COLEC12: variants seen among roughly 807,000 people sequenced by gnomAD.
The protein encoded by COLEC12 is collectin-12.
COLEC12 carries 33 observed loss-of-function variants against 71.1 expected under a neutral mutation model. The ratio of observed to expected loss-of-function variants is 0.46; its 90% CI spans 0.35 to 0.62. COLEC12 has a LOEUF of 0.62. Among genes scored for constraint, COLEC12 ranks in the 20% least tolerant of loss-of-function variants. The pLI, the probability that COLEC12 is intolerant of heterozygous loss-of-function variation, is 0.00. For synonymous variants in COLEC12, 350 were observed against 353.0 expected (o/e 0.99, Z 0.10); for missense variants, 765 against 916.1 (o/e 0.84, Z 2.13).
chr18:326,778 C>G (rs967424002), intron 8 of COLEC12, among the ~76,000 whole-genome samples: 1 of 152,162 alleles, frequency 6.6e-6, no homozygotes, highest in Non-Finnish European at 1.5e-5. Context: ...AAACATCCCA[C>G]AAATATCAAT....
intron 2 of COLEC12, among the ~76,000 whole-genome samples, chr18:374,101 C>A (rs1448772972): frequency 1.3e-5 from 2 of 152,052 alleles, no homozygotes; most frequent in Non-Finnish European, 2.9e-5. Context: ...AGGCAGCGAG[C>A]GGCATATGAG....
At chr18:463,225 T>C (rs1040303209) in intron 2 of COLEC12, among the ~76,000 whole-genome samples, 2 of 152,240 alleles carry the variant, frequency 1.3e-5, no homozygotes, top group African/African-American at 4.8e-5. Context: ...TCATTGATTT[T>C]CATTTCATTT....
At chr18:426,176 T>C (rs1916195155) in intron 2 of COLEC12, among the ~76,000 whole-genome samples, 1 of 152,222 alleles carries the variant, frequency 6.6e-6, no homozygotes, top group African/African-American at 2.4e-5. Context: ...ATGGCACTTT[T>C]CACATATTTT....
intron 1 of COLEC12, among the ~76,000 whole-genome samples, chr18:485,037 G>C (rs1917493552): frequency 6.6e-6 from 1 of 152,208 alleles, no homozygotes; most frequent in Non-Finnish European, 1.5e-5. Flanking sequence ...ACATGCTAGA[G>C]GGCAGAAGGC....
At chr18:391,014 C>T (rs762435596) in intron 2 of COLEC12, among the ~76,000 whole-genome samples, 22 of 152,118 alleles carry the variant, frequency 1.4e-4, no homozygotes, top group Non-Finnish European at 2.2e-4. Flanking sequence ...GGAACTGGTC[C>T]GCTCTTTTTT....
Position 337,617 on chromosome 18 carries a change from G to A in COLEC12, c.1328-2387C>T, listed in dbSNP as rs2143447318. 2.6e-5 allele frequency among the ~76,000 whole-genome samples: 4 copies of A among 152,296 alleles called. No homozygotes were observed. The South Asian group carries it at 8.3e-4, about 32-fold the overall frequency. On this transcript the variant is annotated intron_variant, in intron 5 of 9. Transcript: ENST00000400256. ...AATGGGAGACTTTAGAAGACTTAGG[G>A]ATGAACTCACTTCTACCTAGACCCA...
At chr18:406,122 T>TG (rs1915780125) in intron 2 of COLEC12, among the ~76,000 whole-genome samples, 1 of 152,098 alleles carries the variant, frequency 6.6e-6, no homozygotes, top group African/African-American at 2.4e-5. Flanking sequence ...ACAGATGCCA[T>TG]GGCAACATCA....
At chr18:428,551 T>C (rs1333336203) in intron 2 of COLEC12, among the ~76,000 whole-genome samples, 1 of 152,234 alleles carries the variant, frequency 6.6e-6, no homozygotes, top group African/African-American at 2.4e-5. Context: ...AAAAAAGTCA[T>C]TAATTAGAAA....
At chr18:432,303 T>A (rs941496477) in intron 2 of COLEC12, among the ~76,000 whole-genome samples, 2 of 152,162 alleles carry the variant, frequency 1.3e-5, no homozygotes, top group African/African-American at 4.8e-5. Flanking sequence ...AATATTATCA[T>A]CAGCAAATAG....
In COLEC12 at chr18:346,905, G is replaced by A. The variant is rs769027495; in HGVS notation, c.717C>T (p.Asn239=). Reference sequence around the variant, plus strand: ...AAACCTGCTGCAGATTTTGAAAGTCGTTCTTGATTCGCTGGATAGCCTGGC... The same window carrying A: ...AAACCTGCTGCAGATTTTGAAAGTCATTCTTGATTCGCTGGATAGCCTGGC... ...DTSQAIQRIK[N]DFQNLQQVFL... Residue 239 remains asparagine, a synonymous_variant, in exon 5 of 10, where the codon AAC becomes AAT. Coordinates refer to ENST00000400256, the MANE Select transcript of COLEC12 (RefSeq NM_130386.3). This position sits in a 1 kb window ranked among gnomAD's most constrained non-coding sequence, Gnocchi z 4.0. 8.7e-6 allele frequency: 14 copies of A among 1,614,054 alleles called. No homozygotes were observed. The highest frequency in any genetic ancestry group is 5.0e-5 in the Admixed American group (3 of 60,004).
rs1024688799 is a variant in COLEC12, at chr18:351,863, A to G, written c.182-3700T>C. 4.6e-5 allele frequency among the ~76,000 whole-genome samples: 7 copies of G among 152,342 alleles called. No homozygotes were observed. In the East Asian group the frequency reaches 5.8e-4, roughly 13 times the overall value. On this transcript the variant is annotated intron_variant, in intron 3 of 9. Transcript: ENST00000400256. ...ACTCGTCAATTTTTGTATTTTTAGT[A>G]GAGATGGGGTTTCTCTATGTTGGCC...
intron 2 of COLEC12, among the ~76,000 whole-genome samples, chr18:445,867 A>C (rs1450120139): frequency 3.3e-5 from 5 of 152,116 alleles, no homozygotes; most frequent in Non-Finnish European, 5.9e-5. Context: ...CCTGAGCTCA[A>C]GTGATCTGCC....
intron 2 of COLEC12, among the ~76,000 whole-genome samples, chr18:431,211 C>T (rs1270120902): frequency 2.6e-5 from 4 of 151,828 alleles, no homozygotes; most frequent in East Asian, 1.9e-4. Flanking sequence ...TTATATTGCC[C>T]GGGCTGGTCT....
At chr18:416,951 T>C (rs1017843465) in intron 2 of COLEC12, among the ~76,000 whole-genome samples, 2 of 152,036 alleles carry the variant, frequency 1.3e-5, no homozygotes, top group Admixed American at 1.3e-4. Context: ...GGCAAGGGCA[T>C]GGATGTGTGG....
chr18:371,424 C>T (rs569030588), intron 2 of COLEC12, among the ~76,000 whole-genome samples: 10 of 152,222 alleles, frequency 6.6e-5, no homozygotes, highest in South Asian at 2.1e-4. Flanking sequence ...TTCCCAGACA[C>T]GCCGCAACTG....
intron 2 of COLEC12, among the ~76,000 whole-genome samples, chr18:414,202 C>G (rs1915945116): frequency 1.3e-5 from 2 of 152,070 alleles, no homozygotes; most frequent in East Asian, 3.9e-4. Flanking sequence ...CAATGATTTC[C>G]AAAATAAAAT....
chr18:364,347 T>C (rs1914811896), intron 2 of COLEC12, among the ~76,000 whole-genome samples: 2 of 152,182 alleles, frequency 1.3e-5, no homozygotes, highest in Non-Finnish European at 2.9e-5. Flanking sequence ...CTCTTTGTGG[T>C]TTTTATAAGA....
At position 469,413 on chromosome 18, in the gene COLEC12, C is replaced by T. The variant is rs139015089; in HGVS notation, c.58+11294G>A. On this transcript the variant is annotated intron_variant, in intron 2 of 9. Coordinates refer to ENST00000400256, the MANE Select transcript of COLEC12 (RefSeq NM_130386.3). ...TATTTTTTATTACATGTGAAATTCCCAGAGGCAAAAGGCCACGTCTCTCCT... is the reference window on the plus strand; with the variant it reads ...TATTTTTTATTACATGTGAAATTCCTAGAGGCAAAAGGCCACGTCTCTCCT... 5.3e-5 allele frequency among the ~76,000 whole-genome samples: 8 copies of T among 152,340 alleles called. No individual in the cohort carries two copies. The East Asian group carries it at 1.5e-3, about 29-fold the overall frequency.
Position 472,701 on chromosome 18 carries a change from A to AAAG in COLEC12, c.58+8003_58+8005dup, listed in dbSNP as rs1008052668. On this transcript the variant is annotated intron_variant, in intron 2 of 9. Transcript: ENST00000400256. ...GACAAAAAAAAAAAAAAAAAAAAAAAAAGAAGAAGAAGAAGGAAAACAACA... is the reference window on the plus strand; with the variant it reads ...GACAAAAAAAAAAAAAAAAAAAAAAAAAGAAGAAGAAGAAGAAGGAAAACAACA... Among the ~76,000 whole-genome samples, 650 of 143,986 alleles carry AAAG rather than the reference A, an allele frequency of 4.5e-3. 6 individuals carry two copies. The highest frequency in any genetic ancestry group is 0.033 in the East Asian group (144 of 4,316). 94.5% of individuals were successfully genotyped at this position (143,986 alleles called of 152,430 possible).
Sources: allele counts gnomAD v4.1 joint callset (sites outside exome capture counted in the v4.1 genomes callset), GRCh38; gene constraint gnomAD v4.1.1; non-coding constraint Gnocchi (gnomAD v3.1); transcripts MANE v1.5; gene names NCBI Gene and HGNC (gene_info 2026-07-23, HGNC 2026-07-21).